Variants in SLC6A16 observed in about 807,000 individuals in gnomAD.
The protein encoded by SLC6A16 is orphan sodium- and chloride-dependent neurotransmitter transporter NTT5.
A neutral mutation model predicts 65.4 loss-of-function variants in SLC6A16; 54 were observed. The ratio of observed to expected loss-of-function variants is 0.83; its 90% CI spans 0.66 to 1.04. The LOEUF is 1.04. SLC6A16 is among the 50% of genes least tolerant of loss of function. The pLI, the probability that SLC6A16 is intolerant of heterozygous loss-of-function variation, is 0.00. For missense variants in SLC6A16, 816 were observed against 914.0 expected, an observed-to-expected ratio of 0.89 and a Z score of 1.38; for synonymous variants, 330 against 346.5, an observed-to-expected ratio of 0.95 and a Z score of 0.53.
At chr19:49,315,773 C>T (rs528299305) in intron 1 of SLC6A16, among the ~76,000 whole-genome samples, 3 of 146,818 alleles carry the variant, frequency 2.0e-5, no homozygotes, top group African/African-American at 5.0e-5. Flanking sequence ...GAATAATTTC[C>T]CTAACCTGAT....
the SLC6A16 span, chr19:49,339,270 C>A: frequency 6.7e-7 from 1 of 1,488,440 alleles, no homozygotes; most frequent in Non-Finnish European, 9.3e-7. This position sits in a 1 kb window ranked among gnomAD's most constrained non-coding sequence, Gnocchi z 4.5. Flanking sequence ...GAAAAGAACG[C>A]TGGGCCTGGG....
intron 1 of SLC6A16, among the ~76,000 whole-genome samples, chr19:49,320,775 T>C (rs1182700312): frequency 6.6e-6 from 1 of 152,174 alleles, no homozygotes; most frequent in African/African-American, 2.4e-5. Flanking sequence ...CTAGATTAAA[T>C]GGACAAATTC....
At chr19:49,301,718 C>T (rs1031434537) in intron 7 of SLC6A16, among the ~76,000 whole-genome samples, 1 of 152,228 alleles carries the variant, frequency 6.6e-6, no homozygotes, top group Non-Finnish European at 1.5e-5. Flanking sequence ...TCTCCTTCCT[C>T]TGTCCCTGAA....
the SLC6A16 span, chr19:49,335,364 T>C: frequency 1.6e-6 from 1 of 619,912 alleles, no homozygotes; most frequent in Non-Finnish European, 2.9e-6. The surrounding 1 kb of genome is among the most constrained non-coding windows in gnomAD (Gnocchi z 4.6). Context: ...AAAGCCACCT[T>C]ACATGAAGCG....
intron 10 of SLC6A16, 86 bp from the exon 11 acceptor site, chr19:49,290,853 A>G: frequency 1.8e-6 from 2 of 1,109,950 alleles, no homozygotes; most frequent in East Asian, 2.6e-5. Context: ...GCATCTTTCA[A>G]ACATTCTATT....
chr19:49,320,997 C>T (rs1274999375), intron 1 of SLC6A16, among the ~76,000 whole-genome samples: 1 of 152,154 alleles, frequency 6.6e-6, no homozygotes, highest in African/African-American at 2.4e-5. Context: ...GGGAACACTT[C>T]CTCATTCATC....
rs765966680 is a variant in SLC6A16, at chr19:49,309,450, G to A, written c.877-39C>T. 4.0e-6 allele frequency: 6 copies of A among 1,500,984 alleles called. No homozygotes were observed. In the South Asian group the frequency reaches 6.8e-5, roughly 17 times the overall value. 93.0% of individuals were successfully genotyped at this position (1,500,984 alleles called of 1,614,324 possible). A position where few individuals can be genotyped will look rare whatever the true frequency, so the allele number is the denominator to read the frequency against. On this transcript the variant is annotated intron_variant, in intron 5 of 11. Coordinates refer to ENST00000335875, the MANE Select transcript of SLC6A16 (RefSeq NM_014037.3). ...GGGACATATCAGCAACCGTGTACCA[G>A]TAGGGGTCAACCAACAGTTAGGAGG...
At chr19:49,316,857 CAA>C (rs34224524) in intron 1 of SLC6A16, among the ~76,000 whole-genome samples, 320 of 123,530 alleles carry the variant, frequency 2.6e-3, no homozygotes, top group African/African-American at 6.0e-3. Context: ...CCATCTCTAC[CAA>C]AAAAAAAAAA....
chr19:49,323,803 G>A (rs567000014), intron 1 of SLC6A16, among the ~76,000 whole-genome samples: 6 of 152,284 alleles, frequency 3.9e-5, no homozygotes, highest in African/African-American at 9.6e-5. Context: ...ACACTATGGT[G>A]GTTCCTCAAA....
At chr19:49,309,141 A>G in intron 6 of SLC6A16, 24 bp from the exon 7 acceptor site, 1 of 1,611,410 alleles carries the variant, frequency 6.2e-7, no homozygotes, top group Non-Finnish European at 8.5e-7. Context: ...GACAAGCATA[A>G]GGGGGTTGTA....
intron 1 of SLC6A16, among the ~76,000 whole-genome samples, chr19:49,312,898 G>T (rs948692063): frequency 6.6e-6 from 1 of 151,948 alleles, no homozygotes; most frequent in Non-Finnish European, 1.5e-5. Flanking sequence ...TGCAATGAAA[G>T]GCTGAAAGGA....
chr19:49,323,955 A>T (rs1381343192), intron 1 of SLC6A16, among the ~76,000 whole-genome samples: 1 of 152,184 alleles, frequency 6.6e-6, no homozygotes, highest in African/African-American at 2.4e-5. Context: ...GCTTGAGCCC[A>T]GAAGTTCGAG....
At chr19:49,339,641 CT>C in the SLC6A16 span, 1 of 1,430,128 alleles carries the variant, frequency 7.0e-7, no homozygotes, top group South Asian at 1.5e-5. This position sits in a 1 kb window ranked among gnomAD's most constrained non-coding sequence, Gnocchi z 4.5. Flanking sequence ...TGCGATCTCC[CT>C]CCCCTTTCTC....
intron 1 of SLC6A16, among the ~76,000 whole-genome samples, chr19:49,324,467 C>T (rs1189936858): frequency 6.6e-6 from 1 of 152,118 alleles, no homozygotes; most frequent in African/African-American, 2.4e-5. Context: ...TCCATAAAGC[C>T]CCTTGAGCCC....
rs1277566723 is a variant in SLC6A16 at position 49,292,517 on chromosome 19, TCTC to T, written c.1778+703_1778+705del. 1.3e-5 allele frequency among the ~76,000 whole-genome samples: 2 copies of T among 152,122 alleles called. No homozygotes were observed. The highest frequency in any genetic ancestry group is 1.5e-5 in the Non-Finnish European group (1 of 68,030). On this transcript the variant is annotated intron_variant, in intron 10 of 11. Coordinates refer to ENST00000335875, the MANE Select transcript of SLC6A16 (RefSeq NM_014037.3). This position sits in a 1 kb window ranked among gnomAD's most constrained non-coding sequence, Gnocchi z 4.3. ...TGGCACTCCCACCTGAAAATGTCAT[TCTC>T]CTACTCAAAACCCTCCAATGCTTCA...
At chr19:49,337,594 G>C in the SLC6A16 span, 1 of 1,409,022 alleles carries the variant, frequency 7.1e-7, no homozygotes, top group Non-Finnish European at 9.4e-7. Flanking sequence ...GGGTGACAGA[G>C]TGAGACCCTG....
intron 8 of SLC6A16, 111 bp from the exon 9 acceptor site, chr19:49,294,139 T>G: frequency 9.8e-7 from 1 of 1,023,912 alleles, no homozygotes; most frequent in Non-Finnish European, 1.4e-6. Context: ...AATCCCTGGA[T>G]CACTGAGAAA....
rs1970116210 is a variant in SLC6A16, at chr19:49,293,341, TGAA to T, written c.1657_1659del (p.Phe553del). 1.2e-6 allele frequency: 2 copies of T among 1,613,958 alleles called. No individual in the cohort carries two copies. The highest frequency in any genetic ancestry group is 1.7e-6 in the Non-Finnish European group (2 of 1,179,982). The stretch of plus-strand genomic sequence containing the variant: ...ATGAAGTAGCTGCCTGAAGGTCGAG[TGAA>T]GAAGAGGCCGCACACGAACATGAGC... On this transcript the variant is annotated inframe_deletion, in exon 10 of 12. Coordinates refer to ENST00000335875, the MANE Select transcript of SLC6A16 (RefSeq NM_014037.3).
At chr19:49,315,358 C>T (rs1017063420) in intron 1 of SLC6A16, among the ~76,000 whole-genome samples, 2 of 152,210 alleles carry the variant, frequency 1.3e-5, no homozygotes, top group Non-Finnish European at 2.9e-5. Flanking sequence ...AGGTGGGCCA[C>T]TCCTCTGTTA....
Sources: allele counts gnomAD v4.1 joint callset (sites outside exome capture counted in the v4.1 genomes callset), GRCh38; gene constraint gnomAD v4.1.1; non-coding constraint Gnocchi (gnomAD v3.1); transcripts MANE v1.5; gene names NCBI Gene and HGNC (gene_info 2026-07-23, HGNC 2026-07-21).